TTC12: variants seen among roughly 807,000 people sequenced by gnomAD.
TTC12 encodes the protein tetratricopeptide repeat domain 12.
In TTC12, 70 loss-of-function variants were observed where a neutral mutation model predicts 90.1. The observed-to-expected ratio is 0.78, with a 90% confidence interval of 0.64 to 0.95. The LOEUF is 0.95. Ranked by LOEUF, TTC12 falls within the 40% of genes least tolerant of loss-of-function variation. TTC12 has a pLI of 0.00. For synonymous variants in TTC12, 296 were observed against 311.5 expected, an observed-to-expected ratio of 0.95 and a Z score of 0.53; for missense variants, 819 against 846.1, an observed-to-expected ratio of 0.97 and a Z score of 0.40.
At chr11:113,373,252 GTGC>G in exon 22 of TTC12, 1 of 984,954 alleles carries the variant, frequency 1.0e-6, no homozygotes, top group Non-Finnish European at 1.2e-6. Flanking sequence ...GGCTTGTGTG[GTGC>G]TGCCTTTTAA....
In TTC12 at chr11:113,321,846, A is replaced by T. The variant is rs566537046; in HGVS notation, c.59-1442A>T. Among the ~76,000 whole-genome samples the T allele has an allele frequency of 2.6e-5, 4 of 152,366 alleles. No homozygotes were observed. In the South Asian group the frequency reaches 8.3e-4, roughly 32 times the overall value. ...AGCCAACAGCCAGCAGACTTTCTAA[A>T]GCAGAGCCACTTAGATGACTGACAG... On this transcript the variant is annotated intron_variant, in intron 2 of 21. Transcript: ENST00000529221.
chr11:113,320,170 T>C (rs1555137629), intron 2 of TTC12, among the ~76,000 whole-genome samples: 1 of 151,978 alleles, frequency 6.6e-6, no homozygotes, highest in African/African-American at 2.4e-5. Context: ...GAGATGGGAA[T>C]AGTGGATAGA....
At chr11:113,324,397 A>T (rs561600504) in intron 4 of TTC12, among the ~76,000 whole-genome samples, 2 of 152,198 alleles carry the variant, frequency 1.3e-5, no homozygotes, top group African/African-American at 4.8e-5. Context: ...CATAGCCATC[A>T]TGTGTAATAA....
Position 113,339,369 on chromosome 11 carries a change from A to C in TTC12, c.721A>C (p.Thr241Pro), listed in dbSNP as rs1555145243. 1 of 1,614,036 alleles carries C rather than the reference A, an allele frequency of 6.2e-7. No homozygotes were observed. The highest frequency in any genetic ancestry group is 8.5e-7 in the Non-Finnish European group (1 of 1,179,978). The stretch of plus-strand genomic sequence containing the variant: ...CGAACTGCTGGATTCAGGAAAGAAC[A>C]CAGCCGTGACCACCAAGAACCTCCT... Reference protein sequence around the residue: ...AHELLDSGKNTAVTTKNLLET... With the variant: ...AHELLDSGKNPAVTTKNLLET... Residue 241 changes from threonine (T) to proline (P), a missense_variant, in exon 10 of 22, where the codon ACA (threonine) becomes CCA (proline). Transcript: ENST00000529221.
chr11:113,324,081 C>T, intron 4 of TTC12, 66 bp downstream of exon 4: 1 of 1,278,916 alleles, frequency 7.8e-7, no homozygotes, highest in Non-Finnish European at 1.1e-6. Flanking sequence ...TTGATTGTAG[C>T]TCCCAGACCC....
rs1431954356 is a variant in TTC12, at chr11:113,334,961, T to G, written c.505-5T>G. On this transcript the variant is annotated splice_polypyrimidine_tract_variant and splice_region_variant and intron_variant, in intron 7 of 21. Coordinates refer to ENST00000529221, the MANE Select transcript of TTC12 (RefSeq NM_017868.4). ...ACTTCTGATCAGTCATTCTCTTTTA[T>G]GCAGTGTGATGAAAAATGCACAAAA... 6.2e-7 allele frequency: 1 copy of G among 1,612,722 alleles called. No homozygotes were observed. Among genetic ancestry groups the G allele is most frequent in the Non-Finnish European group, 8.5e-7 (1 of 1,178,864 alleles).
chr11:113,355,913 T>C (rs1949607099), intron 16 of TTC12, among the ~76,000 whole-genome samples: 1 of 152,218 alleles, frequency 6.6e-6, no homozygotes, highest in Non-Finnish European at 1.5e-5. Context: ...AAAATGTATG[T>C]TCTGTTGTTT....
rs782081594 is a variant in TTC12, at chr11:113,324,020, G to A, written c.244+5G>A. 8 of 1,610,118 alleles carry A rather than the reference G, an allele frequency of 5.0e-6. No homozygotes were observed. The highest frequency in any genetic ancestry group is 5.9e-6 in the Non-Finnish European group (7 of 1,177,038). On this transcript the variant is annotated splice_donor_5th_base_variant and intron_variant, in intron 4 of 21. Transcript: ENST00000529221. ...GTGCAGAAGAAATAAACTCAGGTAA[G>A]GACAGCATCTCTCTTCCCAATTTTC...
intron 14 of TTC12, among the ~76,000 whole-genome samples, chr11:113,350,615 G>T (rs955317152): frequency 2.6e-5 from 4 of 152,226 alleles, no homozygotes; most frequent in African/African-American, 9.6e-5. Flanking sequence ...CTGCCCCATG[G>T]CTTTGTGTTG....
chr11:113,323,267 C>A, intron 2 of TTC12, 21 bp from the exon 3 acceptor site: 1 of 1,565,862 alleles, frequency 6.4e-7, no homozygotes, highest in East Asian at 2.3e-5. Context: ...TTGATTAAGT[C>A]ACACCTGATT....
chr11:113,337,824 G>T (rs547652544), intron 8 of TTC12, among the ~76,000 whole-genome samples: 1 of 152,232 alleles, frequency 6.6e-6, no homozygotes, highest in Admixed American at 6.5e-5. Context: ...GACCAGGTTG[G>T]TGGTGATGGA....
intron 7 of TTC12, among the ~76,000 whole-genome samples, chr11:113,332,643 G>A (rs1948130957): frequency 6.6e-6 from 1 of 151,974 alleles, no homozygotes; most frequent in African/African-American, 2.4e-5. Flanking sequence ...TCCTCTCATG[G>A]GCTCAACTCT....
At chr11:113,324,786 T>A in intron 5 of TTC12, 104 bp downstream of exon 5, 1 of 992,744 alleles carries the variant, frequency 1.0e-6, no homozygotes. Flanking sequence ...TTCCCAGTGG[T>A]GAGGTTTGTG....
intron 6 of TTC12, 78 bp from the exon 7 acceptor site, chr11:113,329,842 C>T (rs562878193): frequency 5.8e-4 from 689 of 1,197,582 alleles, no homozygotes; most frequent in Non-Finnish European, 7.1e-4. Context: ...TTCTACTGTT[C>T]GAATGTTCTT....
At chr11:113,339,964 G>A (rs1485875833) in intron 10 of TTC12, among the ~76,000 whole-genome samples, 5 of 152,058 alleles carry the variant, frequency 3.3e-5, no homozygotes, top group East Asian at 1.9e-4. Context: ...ATACCACCTC[G>A]TACACCTTCC....
chr11:113,329,244 G>A (rs1947878326), intron 6 of TTC12, among the ~76,000 whole-genome samples: 1 of 152,210 alleles, frequency 6.6e-6, no homozygotes, highest in Non-Finnish European at 1.5e-5. Flanking sequence ...ATGCCCACCA[G>A]CAGTGTATGA....
intron 10 of TTC12, 58 bp downstream of exon 10, chr11:113,339,532 G>A (rs1948569570): frequency 1.4e-6 from 2 of 1,481,296 alleles, no homozygotes; most frequent in Admixed American, 2.0e-5. Flanking sequence ...GACACATTCA[G>A]AGGTCTGCCT....
intron 4 of TTC12, chr11:113,324,267 A>C: frequency 3.7e-6 from 2 of 537,990 alleles, no homozygotes; most frequent in Non-Finnish European, 6.5e-6. Context: ...ACCCTGTTCA[A>C]GGGATCCAGA....
In TTC12 at chr11:113,344,353, T is replaced by G; in HGVS notation, c.1067T>G (p.Ile356Ser). The change falls in exon 13 of 22, where the codon ATC (isoleucine) becomes AGC (serine). Residue 356 changes from isoleucine (I) to serine (S), a missense_variant. Coordinates refer to ENST00000529221, the MANE Select transcript of TTC12 (RefSeq NM_017868.4). The stretch of plus-strand genomic sequence containing the variant: ...CTCTTGTCCTCCAAGGTCCTGGCCA[T>G]CCGGCAGCAGAGCTTTGCCCTGCTG... ...AALLSSKVLA[I>S]RQQSFALLLH... 1.2e-6 allele frequency: 2 copies of G among 1,614,206 alleles called. No homozygotes were observed. The highest frequency in any genetic ancestry group is 1.7e-6 in the Non-Finnish European group (2 of 1,180,020).
Sources: allele counts gnomAD v4.1 joint callset (sites outside exome capture counted in the v4.1 genomes callset), GRCh38; gene constraint gnomAD v4.1.1; transcripts MANE v1.5; gene names NCBI Gene and HGNC (gene_info 2026-07-23, HGNC 2026-07-21).